CSMD1: variants seen among roughly 807,000 people sequenced by gnomAD.
The protein encoded by CSMD1 is CUB and Sushi multiple domains 1.
Under a neutral mutation model 417.5 loss-of-function variants are expected in CSMD1, and 213 were observed. That is an observed-to-expected ratio of 0.51 (90% CI 0.46 to 0.57). CSMD1 has a LOEUF of 0.57. CSMD1 is among the 20% of genes least tolerant of loss of function. The pLI, the probability that CSMD1 is intolerant of heterozygous loss-of-function variation, is 0.00. For missense variants in CSMD1, 6,923 were observed against 4,529.7 expected (o/e 1.53, Z -15.17); for synonymous variants, 2,862 against 1,736.8 (o/e 1.65, Z -16.11).
At chr8:4,459,793 G>T (rs985003365) in intron 2 of CSMD1, among the ~76,000 whole-genome samples, 1 of 152,164 alleles carries the variant, frequency 6.6e-6, no homozygotes, top group Non-Finnish European at 1.5e-5. Flanking sequence ...AATTTTTGCT[G>T]TTTAAAACCA....
chr8:4,788,402 TTCTCTTTGA>T, intron 1 of CSMD1: 1 of 1,370,032 alleles, frequency 7.3e-7, no homozygotes, highest in Non-Finnish European at 1.0e-6. Flanking sequence ...ATGTGTGGTC[TTCTCTTTGA>T]CTACCCAGGG....
At chr8:4,204,564 T>C (rs1156274010) in intron 3 of CSMD1, among the ~76,000 whole-genome samples, 1 of 152,210 alleles carries the variant, frequency 6.6e-6, no homozygotes, top group Non-Finnish European at 1.5e-5. Context: ...ACCTTTTCTA[T>C]ACTGAGAGGA....
At chr8:3,015,139 C>A (rs547336949) in intron 52 of CSMD1, among the ~76,000 whole-genome samples, 38 of 151,444 alleles carry the variant, frequency 2.5e-4, no homozygotes, top group Non-Finnish European at 4.0e-4. Context: ...CATTTTCATA[C>A]CAGTTTCAAG....
intron 1 of CSMD1, among the ~76,000 whole-genome samples, chr8:4,981,201 C>A (rs141920799): frequency 6.6e-6 from 1 of 152,142 alleles, no homozygotes; most frequent in Non-Finnish European, 1.5e-5. Context: ...GAAACACATT[C>A]ATGAAGGCAG....
intron 1 of CSMD1, among the ~76,000 whole-genome samples, chr8:4,822,556 G>C (rs774745420): frequency 6.6e-6 from 1 of 151,948 alleles, no homozygotes; most frequent in Non-Finnish European, 1.5e-5. Flanking sequence ...TAAACTATGT[G>C]CAGGAAAAAT....
intron 5 of CSMD1, among the ~76,000 whole-genome samples, chr8:3,951,781 G>T (rs1031351510): frequency 5.9e-5 from 9 of 152,244 alleles, no homozygotes; most frequent in Admixed American, 3.3e-4. Context: ...GACCTGTGCT[G>T]AGAACAAATT....
chr8:4,994,690 C>A lies in CSMD1; in HGVS notation c.-274G>T, dbSNP rs1275676957. ...GGCCGGGGACGAGCGCCGGCCGAGC[C>A]GGGCAGGAAGGCACCAAGGCGGCGA... On this transcript the variant is annotated 5_prime_UTR_variant, in exon 1 of 70. Transcript: ENST00000635120. 1.8e-5 allele frequency: 7 copies of A among 391,700 alleles called. No individual in the cohort carries two copies. In the East Asian group the frequency reaches 1.8e-4, roughly 10 times the overall value. 24.3% of individuals were successfully genotyped at this position (391,700 alleles called of 1,614,324 possible). A position where few individuals can be genotyped will look rare whatever the true frequency, so the allele number is the denominator to read the frequency against.
At chr8:3,703,504 G>C (rs1333259229) in intron 7 of CSMD1, among the ~76,000 whole-genome samples, 1 of 152,010 alleles carries the variant, frequency 6.6e-6, no homozygotes, top group African/African-American at 2.4e-5. Flanking sequence ...GTTGTGTACT[G>C]GTAGCTTGGG....
intron 2 of CSMD1, among the ~76,000 whole-genome samples, chr8:4,449,443 A>G (rs1017549808): frequency 3.9e-5 from 6 of 151,902 alleles, no homozygotes. Context: ...TTTTTCCCCA[A>G]TTTTTGTTGA....
chr8:4,345,574 A>T (rs1014436170), intron 3 of CSMD1, among the ~76,000 whole-genome samples: 2 of 152,152 alleles, frequency 1.3e-5, no homozygotes, highest in African/African-American at 4.8e-5. Context: ...CAAAGCACTA[A>T]TATCTAAAAT....
chr8:4,216,170 T>C (rs1800655922), intron 3 of CSMD1, among the ~76,000 whole-genome samples: 1 of 152,194 alleles, frequency 6.6e-6, no homozygotes, highest in Admixed American at 6.5e-5. Context: ...AGGACCAGCC[T>C]ATGACACTTG....
chr8:4,167,816 TC>T (rs1797538766), intron 3 of CSMD1, among the ~76,000 whole-genome samples: 1 of 152,046 alleles, frequency 6.6e-6, no homozygotes, highest in African/African-American at 2.4e-5. Flanking sequence ...ATACTCAGAC[TC>T]CATCTCTACC....
In CSMD1 at chr8:3,640,854, CT is replaced by C. The variant is rs1037754324; in HGVS notation, c.1010-24058del. On this transcript the variant is annotated intron_variant, in intron 7 of 69. Transcript: ENST00000635120. Reference sequence around the variant, plus strand: ...TAGTCCATGGAATCTTACCTCACTACTTTTTTTTTTATTGTTAATGATGTCA... The same window carrying C: ...TAGTCCATGGAATCTTACCTCACTACTTTTTTTTTATTGTTAATGATGTCA... 9.1e-3 allele frequency among the ~76,000 whole-genome samples: 1,335 copies of C among 147,432 alleles called. 17 individuals are homozygous for C. The highest frequency in any genetic ancestry group is 0.031 in the African/African-American group (1,241 of 40,328).
intron 3 of CSMD1, among the ~76,000 whole-genome samples, chr8:4,037,735 G>A (rs961589426): frequency 6.6e-6 from 1 of 152,178 alleles, no homozygotes. Context: ...TGTTCTTTAT[G>A]ACTCTATCAG....
At chr8:4,014,607 A>G (rs1335805640) in intron 4 of CSMD1, among the ~76,000 whole-genome samples, 1 of 152,208 alleles carries the variant, frequency 6.6e-6, no homozygotes, top group African/African-American at 2.4e-5. Flanking sequence ...TGAGATTAAA[A>G]GTAATATTAG....
chr8:3,834,595 C>T (rs983262514), intron 5 of CSMD1, among the ~76,000 whole-genome samples: 7 of 152,116 alleles, frequency 4.6e-5, no homozygotes, highest in African/African-American at 1.7e-4. Flanking sequence ...ATAAATGTAA[C>T]AAATGTGAAG....
chr8:4,815,794 A>C (rs146192172), intron 1 of CSMD1, among the ~76,000 whole-genome samples: 116 of 151,724 alleles, frequency 7.6e-4, no homozygotes, highest in African/African-American at 2.8e-3. Flanking sequence ...TTAGTAATTT[A>C]TCTTATAAAT....
At chr8:4,969,356 G>A (rs144594637) in intron 1 of CSMD1, among the ~76,000 whole-genome samples, 1 of 151,858 alleles carries the variant, frequency 6.6e-6, no homozygotes, top group Non-Finnish European at 1.5e-5. Context: ...AATGAGGAAA[G>A]CATTGTACCC....
intron 10 of CSMD1, among the ~76,000 whole-genome samples, chr8:3,505,248 G>T (rs1159554997): frequency 6.6e-6 from 1 of 152,160 alleles, no homozygotes; most frequent in Non-Finnish European, 1.5e-5. Context: ...CCAGAACACT[G>T]TTAGATGCGA....
Sources: gnomAD v4.1 joint callset for allele counts (sites outside exome capture counted in the v4.1 genomes callset) on GRCh38, gnomAD v4.1.1 for gene constraint, MANE v1.5 for transcripts, NCBI Gene and HGNC (gene_info 2026-07-23, HGNC 2026-07-21) for gene names.